Variants in CDH18 observed in about 807,000 individuals in gnomAD.
The protein encoded by CDH18 is cadherin-18.
Under a neutral mutation model 67.9 loss-of-function variants are expected in CDH18, and 31 were observed. The ratio of observed to expected loss-of-function variants is 0.46; its 90% CI spans 0.34 to 0.62. The LOEUF (loss-of-function observed/expected upper bound fraction) is 0.62. Among genes scored for constraint, CDH18 ranks in the 20% least tolerant of loss-of-function variants. The probability of loss-of-function intolerance (pLI) is 0.01; values close to 1 mark genes in which losing one functional copy is unlikely to be tolerated. For synonymous variants in CDH18, 362 were observed against 347.2 expected (o/e 1.04, Z -0.48); for missense variants, 890 against 975.5 (o/e 0.91, Z 1.17).
intron 11 of CDH18, among the ~76,000 whole-genome samples, chr5:19,497,231 A>G (rs1047446324): frequency 3.3e-5 from 5 of 152,220 alleles, no homozygotes; most frequent in African/African-American, 1.2e-4. Flanking sequence ...AATGCTAAAG[A>G]AAATGTTAAA....
chr5:19,905,648 T>C (rs1790455134), intron 2 of CDH18, among the ~76,000 whole-genome samples: 1 of 152,046 alleles, frequency 6.6e-6, no homozygotes, highest in Admixed American at 6.6e-5. Flanking sequence ...TACCTATATA[T>C]ACTTGTTTTT....
rs185814479 is a variant in CDH18, at chr5:20,145,669, C to T, written c.-518+109775G>A. On this transcript the variant is annotated intron_variant, in intron 2 of 14. Transcript: ENST00000507958. ...GATACAAGTTGACACATAAAATTAA[C>T]CATCATAATCTGTAATTTACTAACA... 2.6e-5 allele frequency among the ~76,000 whole-genome samples: 4 copies of T among 152,250 alleles called. No homozygotes were observed. The East Asian group carries it at 5.8e-4, about 22-fold the overall frequency.
At chr5:20,361,254 C>A (rs1345711392) in intron 1 of CDH18, among the ~76,000 whole-genome samples, 1 of 151,776 alleles carries the variant, frequency 6.6e-6, no homozygotes, top group Non-Finnish European at 1.5e-5. Context: ...ACATTATGTG[C>A]TAATATAACA....
chr5:19,537,368 CCT>C (rs1165366360), intron 9 of CDH18, among the ~76,000 whole-genome samples: 1 of 151,352 alleles, frequency 6.6e-6, no homozygotes, highest in Non-Finnish European at 1.5e-5. Context: ...ACCTGTTCCC[CCT>C]CTCTCTTTCT....
At position 19,844,540 on chromosome 5, in the gene CDH18, G is replaced by A. The variant is rs569361215; in HGVS notation, c.-256-5298C>T. ...TCTCTTCTATAAATTACCCAGTCTT[G>A]AGAGTGTTTCTTTATAGCAGTGTGA... On this transcript the variant is annotated intron_variant, in intron 2 of 12. Transcript: ENST00000382275. 1.4e-4 allele frequency among the ~76,000 whole-genome samples: 22 copies of A among 152,234 alleles called. No homozygotes were observed. In the East Asian group the frequency reaches 4.3e-3, roughly 29 times the overall value.
chr5:20,141,285 A>C (rs1750221304), intron 2 of CDH18, among the ~76,000 whole-genome samples: 1 of 152,178 alleles, frequency 6.6e-6, no homozygotes, highest in Non-Finnish European at 1.5e-5. Context: ...TGACTTGATG[A>C]TGCTGCGAGG....
At chr5:20,525,178 A>G (rs950851550) in intron 1 of CDH18, among the ~76,000 whole-genome samples, 1 of 152,146 alleles carries the variant, frequency 6.6e-6, no homozygotes, top group African/African-American at 2.4e-5. Context: ...TTCTGGAAGG[A>G]AGCCCAGAAG....
rs749223443 is a variant in CDH18 at position 19,747,033 on chromosome 5, C to A, written c.432G>T (p.Glu144Asp). 35 of 1,614,098 alleles carry A rather than the reference C, an allele frequency of 2.2e-5. No homozygotes were observed. The highest frequency in any genetic ancestry group is 2.6e-5 in the Non-Finnish European group (31 of 1,180,006). The change falls in exon 4 of 13, where the codon GAG (glutamate) becomes GAT (aspartate). Residue 144 changes from glutamate (E) to aspartate (D), a missense_variant. Physicochemically the swap from Glu to Asp is conservative, Grantham distance 45. This residue lies in a region of CDH18 where 234 missense variants were observed against 307.4 expected (regional missense o/e 0.76). Transcript: ENST00000382275. ...TGATGTCTTGCACTTTGATGATGAA[C>A]TCGGATTCAGGCTCAAGAGGTTTGT... ...RTNKPLEPESEFIIKVQDIND... is the reference protein window; with the variant it reads ...RTNKPLEPESDFIIKVQDIND...
intron 5 of CDH18, among the ~76,000 whole-genome samples, chr5:19,664,541 C>A (rs116349396): frequency 9.4e-4 from 142 of 151,868 alleles, no homozygotes; most frequent in East Asian, 2.9e-3. Context: ...ATACCAAAAC[C>A]TGGTATAAAT....
intron 1 of CDH18, among the ~76,000 whole-genome samples, chr5:20,351,412 T>C (rs1443067901): frequency 1.3e-5 from 2 of 152,074 alleles, no homozygotes; most frequent in African/African-American, 4.8e-5. Flanking sequence ...GCAGCTGTCA[T>C]TTATTTGAGG....
chr5:19,559,036 ATATC>A (rs1738966986), intron 8 of CDH18, among the ~76,000 whole-genome samples: 1 of 151,940 alleles, frequency 6.6e-6, no homozygotes, highest in Admixed American at 6.6e-5. Context: ...ATCAGTTGTA[ATATC>A]TCCTGTTGCA....
intron 2 of CDH18, among the ~76,000 whole-genome samples, chr5:20,208,600 T>C (rs1202806802): frequency 2.6e-5 from 4 of 152,064 alleles, no homozygotes; most frequent in African/African-American, 9.7e-5. Flanking sequence ...AACCTACGAC[T>C]GGAAACTATG....
chr5:20,384,589 T>C lies in CDH18; in HGVS notation c.-579-129084A>G, dbSNP rs554169777. Among the ~76,000 whole-genome samples the C allele has an allele frequency of 2.0e-5, 3 of 152,312 alleles. No homozygotes were observed. In the South Asian group the frequency reaches 6.2e-4, roughly 32 times the overall value. Reference sequence around the variant, plus strand: ...TTTGACATCCTAATTTCCATTCTTTTGAATACACCCATAAGTGGGATTGAT... The same window carrying C: ...TTTGACATCCTAATTTCCATTCTTTCGAATACACCCATAAGTGGGATTGAT... On this transcript the variant is annotated intron_variant, in intron 1 of 14. Coordinates refer to the CDH18 transcript ENST00000507958.
At chr5:20,139,034 C>T (rs1749996775) in intron 2 of CDH18, among the ~76,000 whole-genome samples, 1 of 152,142 alleles carries the variant, frequency 6.6e-6, no homozygotes, top group Non-Finnish European at 1.5e-5. Flanking sequence ...AAGAACAAAG[C>T]TGGAGGCATC....
chr5:19,899,519 A>T (rs1459892561), intron 2 of CDH18, among the ~76,000 whole-genome samples: 1 of 152,178 alleles, frequency 6.6e-6, no homozygotes, highest in African/African-American at 2.4e-5. Flanking sequence ...ATTTCAAATG[A>T]TGTAGCTTGC....
intron 1 of CDH18, among the ~76,000 whole-genome samples, chr5:20,277,746 G>A (rs577147891): frequency 6.6e-6 from 1 of 152,190 alleles, no homozygotes; most frequent in South Asian, 2.1e-4. Flanking sequence ...CCATTTTGAG[G>A]AAACTCAATG....
At chr5:20,212,098 A>C (rs1379728350) in intron 2 of CDH18, among the ~76,000 whole-genome samples, 2 of 152,150 alleles carry the variant, frequency 1.3e-5, no homozygotes, top group African/African-American at 4.8e-5. Flanking sequence ...TGACCTGATG[A>C]AGCTGAAAAC....
rs1330456345 is a variant in CDH18, at chr5:20,094,804, G to A, written c.-517-102790C>T. Among the ~76,000 whole-genome samples, 4 of 151,882 alleles carry A rather than the reference G, an allele frequency of 2.6e-5. 1 individual carries two copies. The highest frequency in any genetic ancestry group is 3.9e-4 in the East Asian group (2 of 5,176). ...ATTTGACCCAGCAATCTCATTACTGGGTATATACCCAAAGGATTATAAATC... is the reference window on the plus strand; with the variant it reads ...ATTTGACCCAGCAATCTCATTACTGAGTATATACCCAAAGGATTATAAATC... On this transcript the variant is annotated intron_variant, in intron 2 of 14. Coordinates refer to the CDH18 transcript ENST00000507958.
rs34631530 is a variant in CDH18 at position 19,638,977 on chromosome 5, GTTTTTTTT to G, written c.644-26384_644-26377del. ...GATCGCTGGGAAGTTTTTTGTTGCTGTTTTTTTTTTTTTTTTTTTTTTTTTTTGTTTGT... is the reference window on the plus strand; with the variant it reads ...GATCGCTGGGAAGTTTTTTGTTGCTGTTTTTTTTTTTTTTTTTTTGTTTGT... On this transcript the variant is annotated intron_variant, in intron 5 of 12. Transcript: ENST00000382275. 2.5e-3 allele frequency among the ~76,000 whole-genome samples: 139 copies of G among 54,726 alleles called. 1 individual carries two copies. The highest frequency in any genetic ancestry group is 4.9e-3 in the Admixed American group (16 of 3,282). The allele number at this position is 54,726 out of a possible 152,430, so 35.9% of individuals were successfully genotyped here. A position where few individuals can be genotyped will look rare whatever the true frequency, so the allele number is the denominator to read the frequency against.
Sources: allele counts gnomAD v4.1 joint callset (sites outside exome capture counted in the v4.1 genomes callset), GRCh38; gene constraint gnomAD v4.1.1; regional missense constraint gnomAD v4.1.1; transcripts MANE v1.5; gene names NCBI Gene and HGNC (gene_info 2026-07-23, HGNC 2026-07-21).